The following SGCE variants were observed in gnomAD, a reference collection of about 807,000 sequenced individuals.
SGCE encodes epsilon-sarcoglycan.
A neutral mutation model predicts 57.8 loss-of-function variants in SGCE; 26 were observed. The observed-to-expected ratio is 0.45, with a 90% CI of 0.33 to 0.62. The LOEUF is 0.62. Among genes scored for constraint, SGCE ranks in the 20% least tolerant of loss-of-function variants. The pLI is 0.02. For synonymous variants in SGCE, 183 were observed against 189.5 expected (o/e 0.97, Z 0.28); for missense variants, 468 against 548.6 (o/e 0.85, Z 1.47).
chr7:94,594,711 A>T (rs1012183762), intron 9 of SGCE, among the ~76,000 whole-genome samples: 1 of 151,978 alleles, frequency 6.6e-6, no homozygotes, highest in South Asian at 2.1e-4. Flanking sequence ...GTATCTGGGA[A>T]CTCTCTATTA....
chr7:94,639,851 T>C (rs984473523), intron 1 of SGCE, among the ~76,000 whole-genome samples: 7 of 152,226 alleles, frequency 4.6e-5, no homozygotes, highest in African/African-American at 1.4e-4. Flanking sequence ...AAGTACCTTT[T>C]AAATTCACAG....
intron 9 of SGCE, chr7:94,598,082 T>C (rs1798682070): frequency 1.3e-5 from 2 of 156,934 alleles, no homozygotes; most frequent in East Asian, 3.8e-4. Flanking sequence ...TATAAAAATG[T>C]GGCCACTAGG....
chr7:94,594,066 G>A (rs1798059548), intron 9 of SGCE, among the ~76,000 whole-genome samples: 1 of 152,010 alleles, frequency 6.6e-6, no homozygotes, highest in African/African-American at 2.4e-5. Flanking sequence ...ACTCTCTCTT[G>A]ACGTTCCTTT....
chr7:94,585,980 C>T (rs975541643), intron 10 of SGCE, among the ~76,000 whole-genome samples: 2 of 134,156 alleles, frequency 1.5e-5, no homozygotes, highest in Admixed American at 8.5e-5. Flanking sequence ...AGCTAGTGCT[C>T]AAGTCCAGGA....
chr7:94,586,798 A>G (rs1851422), intron 10 of SGCE: 152,859 of 981,936 alleles, frequency 0.16, 17,624 homozygotes, highest in African/African-American at 0.56. Flanking sequence ...CACCGCACCC[A>G]GCCTCCATTT....
At chr7:94,647,714 T>C (rs1426355873) in intron 1 of SGCE, among the ~76,000 whole-genome samples, 2 of 152,250 alleles carry the variant, frequency 1.3e-5, no homozygotes, top group Admixed American at 6.5e-5. Context: ...GCACTTTCTG[T>C]TGACCATATT....
chr7:94,605,531 A>G (rs1252693666), intron 5 of SGCE, among the ~76,000 whole-genome samples: 2 of 151,996 alleles, frequency 1.3e-5, no homozygotes, highest in African/African-American at 4.8e-5. Context: ...TACAAGAGAG[A>G]TGAGGGAAAG....
At chr7:94,588,539 A>T (rs1054676078) in intron 10 of SGCE, 150 bp downstream of exon 10, 7 of 1,486,360 alleles carry the variant, frequency 4.7e-6, no homozygotes, top group African/African-American at 1.4e-5. Flanking sequence ...CTAAGCTATT[A>T]TTCTGAGGTT....
intron 6 of SGCE, among the ~76,000 whole-genome samples, chr7:94,601,773 T>G (rs1402825137): frequency 6.6e-6 from 1 of 152,142 alleles, no homozygotes; most frequent in Non-Finnish European, 1.5e-5. Flanking sequence ...GAACTAAATA[T>G]GAATTTCATT....
chr7:94,646,012 T>A (rs992760307), intron 1 of SGCE, among the ~76,000 whole-genome samples: 2 of 151,732 alleles, frequency 1.3e-5, no homozygotes, highest in African/African-American at 4.8e-5. Context: ...TATAGTAGAG[T>A]CAACTGTAGA....
At chr7:94,596,884 T>C (rs1798474885) in intron 9 of SGCE, among the ~76,000 whole-genome samples, 1 of 152,142 alleles carries the variant, frequency 6.6e-6, no homozygotes, top group African/African-American at 2.4e-5. Context: ...GGGTAAACAA[T>C]ATCAGAAATA....
chr7:94,634,112 C>T (rs1805172380), intron 1 of SGCE, among the ~76,000 whole-genome samples: 2 of 152,124 alleles, frequency 1.3e-5, no homozygotes, highest in South Asian at 2.1e-4. Flanking sequence ...GATTAGGTAC[C>T]CAGTATGTTT....
In SGCE at chr7:94,635,600, C is replaced by T. The variant is rs73222159; in HGVS notation, c.110-5759G>A. ...TTGCTGTCTCTGCATCAAAAGAACT[C>T]ATTTCAAAGTTTGCATAGCCTGATA... On this transcript the variant is annotated intron_variant, in intron 1 of 10. Transcript: ENST00000648936. Among the ~76,000 whole-genome samples, 844 of 152,326 alleles carry T rather than the reference C, an allele frequency of 5.5e-3. 3 individuals are homozygous for T. Among genetic ancestry groups the T allele is most frequent in the Non-Finnish European group, 9.6e-3 (654 of 68,016 alleles).
intron 6 of SGCE, among the ~76,000 whole-genome samples, chr7:94,601,443 CAAAAAAAAAAA>C (rs71123905): frequency 2.9e-4 from 26 of 89,336 alleles, no homozygotes; most frequent in South Asian, 1.8e-3. Context: ...ATCCCAGTAT[CAAAAAAAAAAA>C]AAAAAAAAAA....
chr7:94,611,167 AAT>A (rs1337641964), intron 5 of SGCE, among the ~76,000 whole-genome samples: 1 of 152,192 alleles, frequency 6.6e-6, no homozygotes, highest in African/African-American at 2.4e-5. Flanking sequence ...GAAAAATGAA[AAT>A]ATATGTCTAC....
intron 5 of SGCE, among the ~76,000 whole-genome samples, chr7:94,606,533 A>G (rs1257879564): frequency 1.3e-5 from 2 of 152,230 alleles, no homozygotes; most frequent in East Asian, 3.8e-4. Flanking sequence ...TTATAGCTGG[A>G]CATTTCAACA....
At chr7:94,644,598 A>C in intron 1 of SGCE, 1 of 1,247,276 alleles carries the variant, frequency 8.0e-7, no homozygotes, top group Non-Finnish European at 1.1e-6. Context: ...TCTGATTATC[A>C]TACTCACCTT....
chr7:94,587,772 A>T, intron 10 of SGCE: 1 of 1,546,630 alleles, frequency 6.5e-7, no homozygotes, highest in Non-Finnish European at 8.7e-7. Flanking sequence ...ATTTCATTAT[A>T]CTTGCCTCAA....
chr7:94,652,641 T>C (rs1286039461), intron 1 of SGCE, among the ~76,000 whole-genome samples: 1 of 152,214 alleles, frequency 6.6e-6, no homozygotes, highest in African/African-American at 2.4e-5. Flanking sequence ...AATGCCACTT[T>C]GCTTAGAAAT....
Sources: gnomAD v4.1 joint callset for allele counts (sites outside exome capture counted in the v4.1 genomes callset) on GRCh38, gnomAD v4.1.1 for gene constraint, MANE v1.5 for transcripts, NCBI Gene and HGNC (gene_info 2026-07-23, HGNC 2026-07-21) for gene names.